Variants in TBX1 observed in about 807,000 individuals in gnomAD.
TBX1 encodes the protein T-box transcription factor TBX1.
In TBX1, 16 loss-of-function variants were observed where a neutral mutation model predicts 40.8. The observed-to-expected ratio is 0.39, with a 90% confidence interval of 0.27 to 0.60. The LOEUF (loss-of-function observed/expected upper bound fraction) is 0.60, where lower values mean the gene tolerates loss of function less well. TBX1 is among the 20% of genes least tolerant of loss of function. The pLI, the probability that TBX1 is intolerant of heterozygous loss-of-function variation, is 0.51. For missense variants in TBX1, 755 were observed against 728.5 expected, an observed-to-expected ratio of 1.04 and a Z score of -0.42; for synonymous variants, 403 against 336.8, an observed-to-expected ratio of 1.20 and a Z score of -2.15.
chr22:19,768,865 C>T (rs1009263712), downstream of TBX1, among the ~76,000 whole-genome samples: 6 of 151,732 alleles, frequency 4.0e-5, no homozygotes, highest in African/African-American at 9.7e-5. Context: ...GGCCTGTTAC[C>T]GTGCCCCTCC....
At chr22:19,770,085 T>C (rs1936963535), downstream of TBX1, among the ~76,000 whole-genome samples, 2 of 152,094 alleles carry the variant, frequency 1.3e-5, no homozygotes, top group Non-Finnish European at 2.9e-5. Flanking sequence ...GCTGTTGGAC[T>C]TCCCCCAAAC....
downstream of TBX1, among the ~76,000 whole-genome samples, chr22:19,781,859 GTACCTATAGTCCCAGC>G (rs1332832328): frequency 6.6e-6 from 1 of 152,218 alleles, no homozygotes; most frequent in Non-Finnish European, 1.5e-5. Flanking sequence ...GCAGTGGCAT[GTACCTATAGTCCCAGC>G]TACTTGGGAG....
chr22:19,777,970 G>T (rs1217061347), intron 8 of TBX1, among the ~76,000 whole-genome samples: 2 of 152,020 alleles, frequency 1.3e-5, no homozygotes, highest in African/African-American at 4.8e-5. Context: ...ATGTTGCTCA[G>T]GCTGGTCTCG....
chr22:19,778,923 A>T (rs1937107303), intron 8 of TBX1, among the ~76,000 whole-genome samples: 1 of 152,114 alleles, frequency 6.6e-6, no homozygotes, highest in Non-Finnish European at 1.5e-5. Context: ...TCTCAAACAA[A>T]TAAAATAAAT....
chr22:19,759,914 G>A (rs1936586111), upstream of TBX1, among the ~76,000 whole-genome samples: 1 of 152,274 alleles, frequency 6.6e-6, no homozygotes, highest in African/African-American at 2.4e-5. Flanking sequence ...CCGGAAGAGG[G>A]CGAGTGAGGC....
intron 4 of TBX1, among the ~76,000 whole-genome samples, chr22:19,765,402 C>G (rs1236463333): frequency 6.6e-6 from 1 of 152,190 alleles, no homozygotes; most frequent in Non-Finnish European, 1.5e-5. Flanking sequence ...GGGGCCTGAT[C>G]TGAGGTTTAC....
chr22:19,770,418 G>A (rs1208152209), downstream of TBX1, among the ~76,000 whole-genome samples: 2 of 152,348 alleles, frequency 1.3e-5, no homozygotes, highest in South Asian at 4.1e-4. Flanking sequence ...CCCCACGGCT[G>A]CCCTCTGCAG....
At chr22:19,763,401 T>C in intron 2 of TBX1, 59 bp downstream of exon 2, 1 of 1,524,006 alleles carries the variant, frequency 6.6e-7, no homozygotes, top group Non-Finnish European at 9.1e-7. Context: ...GTGGCGGGTC[T>C]CCGCCTGGTG....
chr22:19,780,916 A>G (rs1008094612), downstream of TBX1, among the ~76,000 whole-genome samples: 22 of 150,786 alleles, frequency 1.5e-4, no homozygotes, highest in Admixed American at 2.7e-4. Flanking sequence ...CCGAGTAGCT[A>G]GGACTACAGG....
downstream of TBX1, among the ~76,000 whole-genome samples, chr22:19,768,109 T>G (rs1936920523): frequency 6.6e-6 from 1 of 152,190 alleles, no homozygotes; most frequent in African/African-American, 2.4e-5. Flanking sequence ...CAGGAAGGGC[T>G]GACAGCCGGT....
chr22:19,768,606 T>C (rs1305468616), downstream of TBX1, among the ~76,000 whole-genome samples: 1 of 152,178 alleles, frequency 6.6e-6, no homozygotes. Context: ...GGGCAGCCAT[T>C]ACCCATGTGC....
upstream of TBX1, chr22:19,759,572 C>T (rs944499962): frequency 8.8e-6 from 14 of 1,591,860 alleles, no homozygotes; most frequent in Admixed American, 1.7e-4. Context: ...GGCGGCGGAG[C>T]GCACCGCCCA....
chr22:19,770,070 C>A (rs1251737195), downstream of TBX1, among the ~76,000 whole-genome samples: 3 of 152,158 alleles, frequency 2.0e-5, no homozygotes, highest in Non-Finnish European at 4.4e-5. Context: ...ACAGGCTCCC[C>A]CTCAGCTGTT....
chr22:19,761,880 CCCGT>C (rs768017628), intron 1 of TBX1, among the ~76,000 whole-genome samples: 2 of 152,218 alleles, frequency 1.3e-5, no homozygotes, highest in Admixed American at 6.5e-5. Flanking sequence ...TATCCAGCGG[CCCGT>C]CACCTCCCAA....
chr22:19,759,849 C>G (rs41298788), upstream of TBX1, among the ~76,000 whole-genome samples: 6 of 152,354 alleles, frequency 3.9e-5, no homozygotes, highest in Non-Finnish European at 4.4e-5. Context: ...CACAGCCTGT[C>G]CCCTCACCAG....
chr22:19,779,217 C>T, intron 8 of TBX1: 1 of 1,614,188 alleles, frequency 6.2e-7, no homozygotes, highest in Non-Finnish European at 8.5e-7. Flanking sequence ...GGTTGTCACC[C>T]AGGTGGACAT....
rs1212287914 is a variant in TBX1, at chr22:19,767,148, T to TGA, written c.*281_*282insGA. ...CGCCCGCCAGTGCCAAAGCGCCCGGTCGGAGGCGGAAGGAAGTGATATTTA... is the reference window on the plus strand; with the variant it reads ...CGCCCGCCAGTGCCAAAGCGCCCGGTGACGGAGGCGGAAGGAAGTGATATTTA... On this transcript the variant is annotated 3_prime_UTR_variant, in exon 7 of 7. Transcript: ENST00000649276. 1.1e-5 allele frequency: 13 copies of TGA among 1,230,672 alleles called. No homozygotes were observed. The highest frequency in any genetic ancestry group is 8.7e-5 in the Admixed American group (2 of 23,080). 76.2% of individuals were successfully genotyped at this position (1,230,672 alleles called of 1,614,324 possible). A position where few individuals can be genotyped will look rare whatever the true frequency, so the allele number is the denominator to read the frequency against.
rs1293398050 is a variant in TBX1 at position 19,767,262 on chromosome 22, A to G, written c.*395A>G. The G allele has an allele frequency of 1.9e-6, 2 of 1,026,108 alleles. No homozygotes were observed. The highest frequency in any genetic ancestry group is 1.7e-5 in the African/African-American group (1 of 58,198). 63.6% of individuals were successfully genotyped at this position (1,026,108 alleles called of 1,614,324 possible). On this transcript the variant is annotated 3_prime_UTR_variant, in exon 7 of 7. Transcript: ENST00000649276. ...AGCCCCGCCTGCAGGCGGTGTAGATACATGTAGATACTGTAGATACTGTAG... is the reference window on the plus strand; with the variant it reads ...AGCCCCGCCTGCAGGCGGTGTAGATGCATGTAGATACTGTAGATACTGTAG...
chr22:19,766,771 G>GGCCGCCGCC lies in TBX1; in HGVS notation c.1425_1433dup (p.Ala483_Ala485dup). 6.8e-7 allele frequency: 1 copy of GGCCGCCGCC among 1,472,994 alleles called. No individual in the cohort carries two copies. Among genetic ancestry groups the GGCCGCCGCC allele is most frequent in the Non-Finnish European group, 8.9e-7 (1 of 1,125,840 alleles). The allele number at this position is 1,472,994 out of a possible 1,614,324, so 91.2% of individuals were successfully genotyped here. ...ACCACCCCGTGAGTCCAGCCGCCGCGGCCGCCGCCGCCGCTGCCGCAGCTG... is the reference window on the plus strand; with the variant it reads ...ACCACCCCGTGAGTCCAGCCGCCGCGGCCGCCGCCGCCGCCGCCGCCGCTGCCGCAGCTG... On this transcript the variant is annotated inframe_insertion, in exon 7 of 7. Coordinates refer to ENST00000649276, the MANE Select transcript of TBX1 (RefSeq NM_001379200.1).
Sources: gnomAD v4.1 joint callset for allele counts (sites outside exome capture counted in the v4.1 genomes callset) on GRCh38, gnomAD v4.1.1 for gene constraint, MANE v1.5 for transcripts, NCBI Gene and HGNC (gene_info 2026-07-23, HGNC 2026-07-21) for gene names.